Variants in ADGRV1 observed in about 807,000 individuals in gnomAD.
ADGRV1 encodes the protein G-protein coupled receptor 98.
ADGRV1 carries 359 observed loss-of-function variants against 596.2 expected under a neutral mutation model. The observed-to-expected ratio is 0.60, with a 90% CI of 0.55 to 0.66. ADGRV1 has a LOEUF of 0.66. Ranked by LOEUF, ADGRV1 falls within the 30% of genes least tolerant of loss-of-function variation. The probability of loss-of-function intolerance (pLI) is 0.00; values close to 1 mark genes in which losing one functional copy is unlikely to be tolerated. For synonymous variants in ADGRV1, 2,681 were observed against 2,679.2 expected (o/e 1.00, Z -0.02); for missense variants, 7,274 against 7,575.6 (o/e 0.96, Z 1.48).
At chr5:91,101,488 T>C (rs1582060863) in intron 86 of ADGRV1, among the ~76,000 whole-genome samples, 2 of 152,194 alleles carry the variant, frequency 1.3e-5, no homozygotes. Flanking sequence ...CTAAATCTTA[T>C]ATAACTTGTC....
At chr5:90,998,987 GATT>G (rs1485544923) in intron 85 of ADGRV1, among the ~76,000 whole-genome samples, 1 of 151,922 alleles carries the variant, frequency 6.6e-6, no homozygotes, top group African/African-American at 2.4e-5. Context: ...TCTTTGCATA[GATT>G]TATACAGCAT....
intron 83 of ADGRV1, among the ~76,000 whole-genome samples, chr5:90,923,921 A>G (rs1430278898): frequency 1.3e-5 from 2 of 151,726 alleles, no homozygotes; most frequent in Non-Finnish European, 2.9e-5. Flanking sequence ...AAGAATGATG[A>G]TTTCCAATTT....
intron 87 of ADGRV1, among the ~76,000 whole-genome samples, chr5:91,123,252 T>C (rs1292643401): frequency 6.6e-6 from 1 of 152,218 alleles, no homozygotes; most frequent in Non-Finnish European, 1.5e-5. Context: ...TGTTCATTAT[T>C]ATGTTATTAT....
intron 34 of ADGRV1, among the ~76,000 whole-genome samples, chr5:90,700,056 A>G (rs1747705413): frequency 6.6e-6 from 1 of 152,128 alleles, no homozygotes; most frequent in African/African-American, 2.4e-5. Context: ...TTCCTAGATT[A>G]TAAATTATTT....
intron 85 of ADGRV1, among the ~76,000 whole-genome samples, chr5:91,064,823 T>C (rs558456944): frequency 6.6e-6 from 1 of 152,324 alleles, no homozygotes; most frequent in African/African-American, 2.4e-5. Context: ...AAAATTAATG[T>C]GCTTAAAGTG....
intron 76 of ADGRV1, among the ~76,000 whole-genome samples, chr5:90,824,643 C>A (rs554462204): frequency 6.6e-6 from 1 of 152,330 alleles, no homozygotes; most frequent in Admixed American, 6.5e-5. Context: ...GACATTTGAT[C>A]ATATAGTATG....
At chr5:91,152,867 G>T (rs1796173213) in intron 88 of ADGRV1, among the ~76,000 whole-genome samples, 1 of 151,364 alleles carries the variant, frequency 6.6e-6, no homozygotes, top group Admixed American at 6.6e-5. Context: ...GTAGAGATGG[G>T]GGTCTTACAG....
chr5:90,968,754 A>G (rs985019320), intron 84 of ADGRV1, among the ~76,000 whole-genome samples: 13 of 152,310 alleles, frequency 8.5e-5, no homozygotes, highest in African/African-American at 3.1e-4. Context: ...GTAGAAGGTT[A>G]GACTATTATT....
chr5:91,003,163 G>A (rs1781983465), intron 85 of ADGRV1, among the ~76,000 whole-genome samples: 1 of 152,108 alleles, frequency 6.6e-6, no homozygotes, highest in African/African-American at 2.4e-5. Context: ...TTGAAGGGAT[G>A]GACTGCTAGC....
Position 91,163,839 on chromosome 5 carries a change from C to A in ADGRV1, c.18860C>A (p.Thr6287Asn). 6.2e-7 allele frequency: 1 copy of A among 1,607,820 alleles called. No individual in the cohort carries two copies. The highest frequency in any genetic ancestry group is 8.5e-7 in the Non-Finnish European group (1 of 1,176,036). ...GGTCAAGGCAGCCAGGAGGGGGGCA[C>A]CTTGACTGACTCCCAGATCGTGGAG... ...ESGQGSQEGG[T>N]LTDSQIVELR... The change falls in exon 90 of 90, where the codon ACC (threonine) becomes AAC (asparagine). Residue 6287 changes from threonine to asparagine, a missense_variant. By Grantham distance (65) the Thr-to-Asn change is moderately conservative. Around this residue, in one of 5 missense-constraint regions of ADGRV1, gnomAD observed 1,874 missense variants for 1,970.2 expected, o/e 0.95. Coordinates refer to ENST00000405460, the MANE Select transcript of ADGRV1 (RefSeq NM_032119.4).
intron 85 of ADGRV1, among the ~76,000 whole-genome samples, chr5:91,037,111 A>G (rs1338990951): frequency 6.6e-5 from 10 of 152,148 alleles, no homozygotes; most frequent in Admixed American, 4.6e-4. Context: ...CCTTGCCCCA[A>G]AGACCCAGGC....
intron 34 of ADGRV1, among the ~76,000 whole-genome samples, chr5:90,699,441 A>G (rs1374290062): frequency 6.6e-6 from 1 of 152,136 alleles, no homozygotes; most frequent in African/African-American, 2.4e-5. Flanking sequence ...GGAAAAGAGA[A>G]TCAAAGTATT....
chr5:90,683,710 A>G lies in ADGRV1; in HGVS notation c.5789A>G (p.Asn1930Ser), dbSNP rs1250307768. The change falls in exon 28 of 90, where the codon AAT becomes AGT. Residue 1930 changes from asparagine to serine, a missense_variant. Transcript: ENST00000405460. ...ITFEIGQTSA[N>S]ITVEILPDED... The stretch of plus-strand genomic sequence containing the variant: ...TTTGAGATTGGGCAGACGAGCGCCA[A>G]TATCACTGTGGAGATATTGCCTGAC... 6.8e-6 allele frequency: 11 copies of G among 1,613,832 alleles called. No homozygotes were observed. Among genetic ancestry groups the G allele is most frequent in the South Asian group, 5.5e-5 (5 of 91,084 alleles).
At chr5:90,962,915 G>A (rs994528837) in intron 83 of ADGRV1, among the ~76,000 whole-genome samples, 5 of 152,052 alleles carry the variant, frequency 3.3e-5, no homozygotes, top group East Asian at 1.9e-4. Context: ...ACAAGAACCT[G>A]TACTGATTTA....
intron 85 of ADGRV1, among the ~76,000 whole-genome samples, chr5:90,997,212 C>T (rs1033891394): frequency 6.6e-6 from 1 of 152,056 alleles, no homozygotes; most frequent in Non-Finnish European, 1.5e-5. Context: ...TCAAATCTCA[C>T]GTTGAATTCT....
chr5:91,108,034 AC>A (rs1419959255), intron 87 of ADGRV1, among the ~76,000 whole-genome samples: 11 of 152,328 alleles, frequency 7.2e-5, no homozygotes, highest in Middle Eastern at 6.8e-3. Flanking sequence ...AATCCAGGTG[AC>A]ATTACTGAAG....
In ADGRV1 at chr5:90,613,766, A is replaced by C. The variant is rs555789232; in HGVS notation, c.23-1069A>C. On this transcript the variant is annotated intron_variant, in intron 1 of 89. Transcript: ENST00000405460. The stretch of plus-strand genomic sequence containing the variant: ...TACTTAACGGAGAACATTGCACTTA[A>C]ATCCTAAAATATATCAGGAACTCAT... Among the ~76,000 whole-genome samples, 310 of 152,242 alleles carry C rather than the reference A, an allele frequency of 2.0e-3. 2 individuals carry two copies. Among genetic ancestry groups the C allele is most frequent in the African/African-American group, 7.2e-3 (301 of 41,560 alleles).
Position 90,712,404 on chromosome 5 carries a change from C to G in ADGRV1, c.9160C>G (p.Leu3054Val). Reference protein sequence around the residue: ...QLILTNPSPGLELGKNTIALI... With the variant: ...QLILTNPSPGVELGKNTIALI... ...GATTTTAACAAATCCTTCTCCTGGACTAGAGCTAGGGAAAAATACAATAGG... is the reference window on the plus strand; with the variant it reads ...GATTTTAACAAATCCTTCTCCTGGAGTAGAGCTAGGGAAAAATACAATAGG... The change falls in exon 42 of 90, where the codon CTA becomes GTA. Residue 3054 changes from leucine to valine, a missense_variant. Physicochemically the swap from Leu to Val is conservative, Grantham distance 32. Around this residue, in one of 5 missense-constraint regions of ADGRV1, gnomAD observed 3,643 missense variants for 3,809.2 expected, o/e 0.96. Coordinates refer to ENST00000405460, the MANE Select transcript of ADGRV1 (RefSeq NM_032119.4). 1 of 1,589,742 alleles carries G rather than the reference C, an allele frequency of 6.3e-7. No homozygotes were observed. Among genetic ancestry groups the G allele is most frequent in the Non-Finnish European group, 8.6e-7 (1 of 1,165,314 alleles).
chr5:90,923,554 A>G (rs1348837235), intron 83 of ADGRV1, among the ~76,000 whole-genome samples: 1 of 152,180 alleles, frequency 6.6e-6, no homozygotes, highest in Non-Finnish European at 1.5e-5. Flanking sequence ...AGAAGAAAAA[A>G]ATCAAACAAA....
Sources: gnomAD v4.1 joint callset for allele counts (sites outside exome capture counted in the v4.1 genomes callset) on GRCh38, gnomAD v4.1.1 for gene constraint, gnomAD v4.1.1 regional missense constraint, MANE v1.5 for transcripts, NCBI Gene and HGNC (gene_info 2026-07-23, HGNC 2026-07-21) for gene names.